Variants in RBM47 observed in about 807,000 individuals in gnomAD.
The protein encoded by RBM47 is RNA binding motif protein 47.
In RBM47, 21 loss-of-function variants were observed where a neutral mutation model predicts 47.1. The observed-to-expected ratio is 0.45, with a 90% CI of 0.32 to 0.64. The LOEUF is 0.64. Among genes scored for constraint, RBM47 ranks in the 30% least tolerant of loss-of-function variants. The probability of loss-of-function intolerance (pLI) is 0.05; values close to 1 mark genes in which losing one functional copy is unlikely to be tolerated. For missense variants in RBM47, 708 were observed against 870.9 expected (o/e 0.81, Z 2.35); for synonymous variants, 375 against 361.7 (o/e 1.04, Z -0.42).
At chr4:40,436,940 C>A (rs775939135) in intron 4 of RBM47, 20,276 of 473,976 alleles carry the variant, frequency 0.043, 360 homozygotes, top group Middle Eastern at 0.067. Context: ...CCCTCCCCCC[C>A]GCCAAAAAAA....
At chr4:40,618,767 C>T (rs2154280835) in intron 1 of RBM47, among the ~76,000 whole-genome samples, 1 of 140,228 alleles carries the variant, frequency 7.1e-6, no homozygotes, top group South Asian at 2.3e-4. Flanking sequence ...CATGATCAAG[C>T]CACTGCACTC....
intron 2 of RBM47, among the ~76,000 whole-genome samples, chr4:40,535,400 C>T (rs1414869339): frequency 1.3e-5 from 1 of 74,182 alleles, no homozygotes; most frequent in Non-Finnish European, 2.6e-5. Flanking sequence ...TGAGACGGAG[C>T]CTTGCTCTGT....
At chr4:40,574,872 G>A (rs186781849) in intron 1 of RBM47, among the ~76,000 whole-genome samples, 103 of 152,196 alleles carry the variant, frequency 6.8e-4, no homozygotes, top group African/African-American at 2.3e-3. Flanking sequence ...AAAAGCATCA[G>A]AATTGGCAAA....
chr4:40,623,071 GGTGT>G (rs890306367), intron 1 of RBM47, among the ~76,000 whole-genome samples: 5 of 152,182 alleles, frequency 3.3e-5, no homozygotes, highest in Non-Finnish European at 7.3e-5. Context: ...TGAGAACATG[GGTGT>G]TACCATTTAA....
chr4:40,624,300 C>T (rs1737532533), intron 1 of RBM47, among the ~76,000 whole-genome samples: 1 of 152,212 alleles, frequency 6.6e-6, no homozygotes, highest in Non-Finnish European at 1.5e-5. Context: ...GCAGCCCATG[C>T]TCCTAGCCAC....
chr4:40,437,655 G>A, intron 4 of RBM47, 116 bp downstream of exon 4: 1 of 1,081,774 alleles, frequency 9.2e-7, no homozygotes, highest in Admixed American at 2.5e-5. Flanking sequence ...AAACGGGGGT[G>A]GGAGGGCCTT....
In RBM47 at chr4:40,502,986, CAAAAAAAAA is replaced by C. The variant is rs35856007; in HGVS notation, c.-154-36296_-154-36288del. 3.5e-4 allele frequency among the ~76,000 whole-genome samples: 30 copies of C among 86,482 alleles called. 1 individual carries two copies. Among genetic ancestry groups the C allele is most frequent in the African/African-American group, 1.3e-3 (28 of 21,606 alleles). The allele number at this position is 86,482 out of a possible 152,430, so 56.7% of individuals were successfully genotyped here. ...GTAACATTGTACAACCCTGTCTGTA[CAAAAAAAAA>C]AAAAAAAAAGAATGGAAAAAGAAAA... On this transcript the variant is annotated intron_variant, in intron 2 of 6. Coordinates refer to ENST00000295971, the MANE Select transcript of RBM47 (RefSeq NM_001098634.2).
chr4:40,518,921 G>A (rs987213562), intron 2 of RBM47, among the ~76,000 whole-genome samples: 2 of 152,146 alleles, frequency 1.3e-5, no homozygotes, highest in African/African-American at 4.8e-5. Context: ...CAGCCCAGGA[G>A]TGGTGGCTCA....
intron 2 of RBM47, among the ~76,000 whole-genome samples, chr4:40,526,290 T>C (rs1726698481): frequency 6.6e-6 from 1 of 152,180 alleles, no homozygotes; most frequent in African/African-American, 2.4e-5. Context: ...AGGGTCCCCA[T>C]CTACTCCCCG....
intron 1 of RBM47, among the ~76,000 whole-genome samples, chr4:40,570,599 G>A (rs1052777477): frequency 2.6e-5 from 4 of 151,950 alleles, no homozygotes; most frequent in Non-Finnish European, 5.9e-5. Flanking sequence ...TGGAACCCCT[G>A]ATCTAAAGGG....
At chr4:40,541,051 GGCTACGACAA>G (rs1728486967) in intron 2 of RBM47, among the ~76,000 whole-genome samples, 1 of 151,936 alleles carries the variant, frequency 6.6e-6, no homozygotes, top group Admixed American at 6.6e-5. Context: ...CACTACGGGA[GGCTACGACAA>G]GCGGATCGCT....
chr4:40,568,984 A>AAGATAGATAGAT (rs60078594), intron 1 of RBM47, among the ~76,000 whole-genome samples: 3,667 of 145,166 alleles, frequency 0.025, 75 homozygotes, highest in East Asian at 0.058. Flanking sequence ...TCTGTCTCAA[A>AAGATAGATAGAT]AGATAGATAG....
At position 40,583,815 on chromosome 4, in the gene RBM47, G is replaced by A. The variant is rs1327136553; in HGVS notation, c.-239-39309C>T. Among the ~76,000 whole-genome samples, 8 of 144,886 alleles carry A rather than the reference G, an allele frequency of 5.5e-5. No individual in the cohort carries two copies. The South Asian group carries it at 6.6e-4, about 12-fold the overall frequency. ...AGAGCTTGCAGTGAGCCAAGATCAC[G>A]CCACTGCACTCCAGCCTGGGCGAGA... is the stretch of plus-strand genomic sequence containing the variant. On this transcript the variant is annotated intron_variant, in intron 1 of 6. Transcript: ENST00000295971.
chr4:40,606,583 G>C (rs1441318203), intron 1 of RBM47, among the ~76,000 whole-genome samples: 1 of 152,100 alleles, frequency 6.6e-6, no homozygotes, highest in Admixed American at 6.6e-5. Context: ...AGCACAGCTT[G>C]GTGGTTGAGA....
chr4:40,626,552 C>T (rs1737754897), intron 1 of RBM47, among the ~76,000 whole-genome samples: 2 of 152,072 alleles, frequency 1.3e-5, no homozygotes, highest in African/African-American at 2.4e-5. Flanking sequence ...GTTTCTTGGC[C>T]GTTTATTCCT....
intron 2 of RBM47, among the ~76,000 whole-genome samples, chr4:40,486,370 T>C (rs1405909144): frequency 6.6e-6 from 1 of 152,126 alleles, no homozygotes. Flanking sequence ...AGCAAAGATA[T>C]CAGCAGGCAG....
chr4:40,557,275 T>C (rs1730189433), intron 1 of RBM47, among the ~76,000 whole-genome samples: 1 of 152,146 alleles, frequency 6.6e-6, no homozygotes, highest in Admixed American at 6.6e-5. Flanking sequence ...CATCTTGGTG[T>C]ACACTTTCCC....
At chr4:40,603,061 C>G (rs1735426927) in intron 1 of RBM47, among the ~76,000 whole-genome samples, 1 of 148,272 alleles carries the variant, frequency 6.7e-6, no homozygotes, top group Non-Finnish European at 1.5e-5. Context: ...CCTCAGTCAA[C>G]TTTAACAAAC....
At chr4:40,622,946 A>T (rs1737399635) in intron 1 of RBM47, among the ~76,000 whole-genome samples, 1 of 152,220 alleles carries the variant, frequency 6.6e-6, no homozygotes, top group African/African-American at 2.4e-5. Flanking sequence ...AGCGGTGAGG[A>T]CAAAGGTGGA....
Sources: gnomAD v4.1 joint callset for allele counts (sites outside exome capture counted in the v4.1 genomes callset) on GRCh38, gnomAD v4.1.1 for gene constraint, MANE v1.5 for transcripts, NCBI Gene and HGNC (gene_info 2026-07-23, HGNC 2026-07-21) for gene names.